ADSS2: variants seen among roughly 807,000 people sequenced by gnomAD.
ADSS2 encodes the protein adenylosuccinate synthetase isozyme 2.
Under a neutral mutation model 60.0 loss-of-function variants are expected in ADSS2, and 30 were observed. The observed-to-expected ratio is 0.50, with a 90% CI of 0.37 to 0.68. The LOEUF is 0.68. Ranked by LOEUF, ADSS2 falls within the 30% of genes least tolerant of loss-of-function variation. The pLI, the probability that ADSS2 is intolerant of heterozygous loss-of-function variation, is 0.00. For missense variants in ADSS2, 373 were observed against 554.8 expected, an observed-to-expected ratio of 0.67 and a Z score of 3.29; for synonymous variants, 187 against 193.1, an observed-to-expected ratio of 0.97 and a Z score of 0.26.
At chr1:244,438,677 A>T (rs1482439522) in intron 1 of ADSS2, among the ~76,000 whole-genome samples, 3 of 152,194 alleles carry the variant, frequency 2.0e-5, no homozygotes, top group Non-Finnish European at 2.9e-5. Context: ...AACTTTAACA[A>T]CATCCTTCTA....
Position 244,408,923 on chromosome 1 carries a change from A to G in ADSS2, c.*663T>C, listed in dbSNP as rs999373806. ...TGGGAAACATCTATTCTCTTTGAAC[A>G]TTTCACTAAATTTTCAATGTATTAA... is the stretch of plus-strand genomic sequence containing the variant. On this transcript the variant is annotated 3_prime_UTR_variant, in exon 13 of 13. Transcript: ENST00000366535. 4.6e-5 allele frequency: 7 copies of G among 152,578 alleles called. No homozygotes were observed. The highest frequency in any genetic ancestry group is 4.6e-4 in the Admixed American group (7 of 15,282). 9.5% of individuals were successfully genotyped at this position (152,578 alleles called of 1,614,324 possible).
At chr1:244,432,447 A>T in intron 4 of ADSS2, 98 bp downstream of exon 4, 1 of 896,972 alleles carries the variant, frequency 1.1e-6, no homozygotes, top group Non-Finnish European at 1.7e-6. Context: ...TACTTACGCT[A>T]AATAAAAATA....
At chr1:244,445,244 A>G (rs1232185835) in intron 1 of ADSS2, among the ~76,000 whole-genome samples, 1 of 152,222 alleles carries the variant, frequency 6.6e-6, no homozygotes, top group Non-Finnish European at 1.5e-5. Flanking sequence ...ATTGCTTGCA[A>G]ACAAAGAACA....
intron 1 of ADSS2, among the ~76,000 whole-genome samples, chr1:244,445,771 C>T (rs907654007): frequency 3.9e-5 from 6 of 152,164 alleles, no homozygotes; most frequent in Non-Finnish European, 8.8e-5. Context: ...CTTCGCTCCC[C>T]CAAGTGCATT....
rs1247003232 is a variant in ADSS2, at chr1:244,418,744, C to A, written c.945+16G>T. The A allele has an allele frequency of 1.9e-6, 3 of 1,567,798 alleles. No homozygotes were observed. The highest frequency in any genetic ancestry group is 2.6e-6 in the Non-Finnish European group (3 of 1,162,622). On this transcript the variant is annotated intron_variant, in intron 9 of 12. Transcript: ENST00000366535. ...ATTTTTAATACATTTTGATTATTTACTTAGAATAGGCTTACATTGTCTTGC... is the reference window on the plus strand; with the variant it reads ...ATTTTTAATACATTTTGATTATTTAATTAGAATAGGCTTACATTGTCTTGC...
intron 8 of ADSS2, 59 bp downstream of exon 8, chr1:244,420,111 T>C: frequency 6.6e-7 from 1 of 1,506,752 alleles, no homozygotes; most frequent in South Asian, 1.2e-5. Flanking sequence ...TAATTATTTA[T>C]ATTTTAACTA....
intron 1 of ADSS2, among the ~76,000 whole-genome samples, chr1:244,450,783 CGT>C (rs1369237616): frequency 3.9e-5 from 6 of 152,182 alleles, no homozygotes; most frequent in African/African-American, 1.4e-4. Flanking sequence ...CTGAAAACCA[CGT>C]GTCTCCCGTT....
intron 11 of ADSS2, among the ~76,000 whole-genome samples, chr1:244,414,881 C>G (rs1299485758): frequency 6.6e-6 from 1 of 152,216 alleles, no homozygotes; most frequent in Non-Finnish European, 1.5e-5. Context: ...TAGTATAACT[C>G]TAAAGGGCCA....
intron 10 of ADSS2, 118 bp downstream of exon 10, chr1:244,417,510 A>T (rs1261267940): frequency 1.6e-6 from 2 of 1,287,124 alleles, no homozygotes; most frequent in African/African-American, 3.0e-5. Flanking sequence ...CTGGCACTAC[A>T]ATTTCAATAT....
chr1:244,451,698 G>C lies in ADSS2; in HGVS notation c.120C>G (p.Asp40Glu). 6.2e-7 allele frequency: 1 copy of C among 1,612,542 alleles called. No homozygotes were observed. Among genetic ancestry groups the C allele is most frequent in the Non-Finnish European group, 8.5e-7 (1 of 1,179,424 alleles). ...GGTCCACCACCTTCCCTTTGCCTTC[G>C]TCGCCCCACTGCGCACCGAGCACCA... ...VTVVLGAQWG[D>E]EGKGKVVDLL... Residue 40 changes from aspartate to glutamate, a missense_variant, in exon 1 of 13, where the codon GAC becomes GAG. Coordinates refer to ENST00000366535, the MANE Select transcript of ADSS2 (RefSeq NM_001126.5). The surrounding 1 kb of genome is among the most constrained non-coding windows in gnomAD (Gnocchi z 6.6).
intron 1 of ADSS2, 89 bp from the exon 2 acceptor site, chr1:244,437,857 C>A: frequency 1.0e-6 from 1 of 988,462 alleles, no homozygotes. Context: ...GACCTCCTGC[C>A]AAAAGGTCAA....
At chr1:244,427,690 G>T (rs1243577131) in intron 4 of ADSS2, among the ~76,000 whole-genome samples, 3 of 152,062 alleles carry the variant, frequency 2.0e-5, no homozygotes, top group Admixed American at 6.5e-5. Context: ...TATCAAAGTA[G>T]ATATCAGAAT....
intron 4 of ADSS2, among the ~76,000 whole-genome samples, chr1:244,426,213 A>G (rs1664800530): frequency 2.6e-5 from 4 of 152,212 alleles, no homozygotes; most frequent in Admixed American, 2.0e-4. Context: ...AGAGTACGCC[A>G]TTCTCATTTC....
At chr1:244,415,638 C>T (rs1298272125) in intron 11 of ADSS2, among the ~76,000 whole-genome samples, 1 of 152,168 alleles carries the variant, frequency 6.6e-6, no homozygotes, top group African/African-American at 2.4e-5. Context: ...TACCCCTCTT[C>T]TTATTCACTC....
chr1:244,437,304 G>T (rs145567773), intron 2 of ADSS2, among the ~76,000 whole-genome samples: 5,243 of 152,080 alleles, frequency 0.034, 115 homozygotes, highest in Middle Eastern at 0.075. Context: ...TATTGTAAGG[G>T]TTCAAAATAA....
chr1:244,409,596 T>A lies in ADSS2; in HGVS notation c.1361A>T (p.Gln454Leu), dbSNP rs1367950846. Reference protein sequence around the residue: ...GVGKSRESMIQLF With the variant: ...GVGKSRESMILLF The stretch of plus-strand genomic sequence containing the variant: ...CATTACTGGCAATCATTAAAAGAGT[T>A]GAATCATAGATTCTCTGGATTTACC... The change falls in exon 13 of 13, where the codon CAA (glutamine) becomes CTA (leucine). Residue 454 changes from glutamine to leucine, a missense_variant. Physicochemically the swap from Gln to Leu is moderately radical, Grantham distance 113. Coordinates refer to ENST00000366535, the MANE Select transcript of ADSS2 (RefSeq NM_001126.5). 1 of 1,609,568 alleles carries A rather than the reference T, an allele frequency of 6.2e-7. No homozygotes were observed. The highest frequency in any genetic ancestry group is 8.5e-7 in the Non-Finnish European group (1 of 1,176,350).
At chr1:244,450,663 G>A (rs1203751960) in intron 1 of ADSS2, among the ~76,000 whole-genome samples, 1 of 152,138 alleles carries the variant, frequency 6.6e-6, no homozygotes, top group African/African-American at 2.4e-5. Context: ...AGTGGTTATT[G>A]CTCATCTGCT....
intron 3 of ADSS2, among the ~76,000 whole-genome samples, chr1:244,435,119 G>A (rs1665052549): frequency 8.2e-6 from 1 of 121,670 alleles, no homozygotes; most frequent in Non-Finnish European, 1.6e-5. Flanking sequence ...AGTGAGCCAA[G>A]ATCACGCCAC....
At chr1:244,415,549 G>C (rs934987228) in intron 11 of ADSS2, among the ~76,000 whole-genome samples, 5 of 152,156 alleles carry the variant, frequency 3.3e-5, no homozygotes, top group Non-Finnish European at 7.3e-5. Context: ...ATAGAATAAA[G>C]AGCAGAGAAA....
Sources: gnomAD v4.1 joint callset for allele counts (sites outside exome capture counted in the v4.1 genomes callset) on GRCh38, gnomAD v4.1.1 for gene constraint, Gnocchi (gnomAD v3.1) non-coding constraint, MANE v1.5 for transcripts, NCBI Gene and HGNC (gene_info 2026-07-23, HGNC 2026-07-21) for gene names.